Variants in COL4A3 observed in about 807,000 individuals in gnomAD.
COL4A3 encodes collagen type IV alpha 3 chain, also known as collagen alpha-3(IV) chain.
A neutral mutation model predicts 217.4 loss-of-function variants in COL4A3; 135 were observed. The observed-to-expected ratio is 0.62, with a 90% CI of 0.54 to 0.72. COL4A3 has a LOEUF of 0.72. Among genes scored for constraint, COL4A3 ranks in the 30% least tolerant of loss-of-function variants. COL4A3 has a pLI of 0.00. For synonymous variants in COL4A3, 690 were observed against 736.3 expected, an observed-to-expected ratio of 0.94 and a Z score of 1.02; for missense variants, 1,868 against 2,119.9, an observed-to-expected ratio of 0.88 and a Z score of 2.33.
chr2:227,169,093 A>C (rs1577014097), intron 1 of COL4A3: 1 of 122,250 alleles, frequency 8.2e-6, no homozygotes, highest in Non-Finnish European at 1.6e-5. Flanking sequence ...TCCTGTGTCC[A>C]TGTGTTCTCA....
At chr2:227,300,160 T>A (rs75044575) in intron 43 of COL4A3, among the ~76,000 whole-genome samples, 4,148 of 152,214 alleles carry the variant, frequency 0.027, 82 homozygotes, top group Middle Eastern at 0.048. Flanking sequence ...CCTCCAGAAG[T>A]AAGAAGTCAA....
In COL4A3 at chr2:227,313,423, A is replaced by G. The variant is rs1264081718; in HGVS notation, c.*1553A>G. On this transcript the variant is annotated 3_prime_UTR_variant, in exon 52 of 52. Coordinates refer to ENST00000396578, the MANE Select transcript of COL4A3 (RefSeq NM_000091.5). ...TCTGAATAATAGCAGAAAAACCAACATCTACAAAACATTAAACTAGTGTTA... is the reference window on the plus strand; with the variant it reads ...TCTGAATAATAGCAGAAAAACCAACGTCTACAAAACATTAAACTAGTGTTA... 2.0e-5 allele frequency: 3 copies of G among 152,632 alleles called. No homozygotes were observed. The highest frequency in any genetic ancestry group is 7.2e-5 in the African/African-American group (3 of 41,452). The allele number at this position is 152,632 out of a possible 1,614,324, so 9.5% of individuals were successfully genotyped here. A position where few individuals can be genotyped will look rare whatever the true frequency, so the allele number is the denominator to read the frequency against.
Position 227,282,244 on chromosome 2 carries a change from C to A in COL4A3, c.2489-121C>A, listed in dbSNP as rs1410367474. On this transcript the variant is annotated intron_variant, in intron 31 of 51. Coordinates refer to ENST00000396578, the MANE Select transcript of COL4A3 (RefSeq NM_000091.5). The surrounding 1 kb of genome is among the most constrained non-coding windows in gnomAD (Gnocchi z 4.4). Reference sequence around the variant, plus strand: ...CCGAAATCGCCCCACTGCAATCCAGCCTAGAAGACAGAGGGAGATTCCATC... The same window carrying A: ...CCGAAATCGCCCCACTGCAATCCAGACTAGAAGACAGAGGGAGATTCCATC... 1.2e-5 allele frequency: 5 copies of A among 412,982 alleles called. No homozygotes were observed. The highest frequency in any genetic ancestry group is 5.0e-5 in the Admixed American group (1 of 19,878). The allele number at this position is 412,982 out of a possible 1,614,324, so 25.6% of individuals were successfully genotyped here.
intron 1 of COL4A3, among the ~76,000 whole-genome samples, chr2:227,193,741 G>GAAGA (rs143735741): frequency 0.038 from 1,120 of 29,542 alleles, 68 homozygotes; most frequent in African/African-American, 0.097. Context: ...AGGAGGGAGG[G>GAAGA]AGGGAGGGAA....
chr2:227,254,694 T>A lies in COL4A3; in HGVS notation c.867T>A (p.Ala289=). The change falls in exon 15 of 52, where the codon GCT becomes GCA. Residue 289 remains alanine (A), a synonymous_variant. Coordinates refer to ENST00000396578, the MANE Select transcript of COL4A3 (RefSeq NM_000091.5). Reference sequence around the variant, plus strand: ...AATCATATGGATCTGAAAAGGGTGCTCCTGGAGACCCTGGCCTGCAGGTAA... The same window carrying A: ...AATCATATGGATCTGAAAAGGGTGCACCTGGAGACCCTGGCCTGCAGGTAA... ...PGESYGSEKG[A]PGDPGLQGKP... is the part of the protein sequence containing the mutation. 1.2e-6 allele frequency: 2 copies of A among 1,613,420 alleles called. No individual in the cohort carries two copies. Among genetic ancestry groups the A allele is most frequent in the South Asian group, 2.2e-5 (2 of 91,078 alleles).
intron 1 of COL4A3, among the ~76,000 whole-genome samples, chr2:227,209,462 C>A (rs947724841): frequency 6.6e-6 from 1 of 152,204 alleles, no homozygotes; most frequent in South Asian, 2.1e-4. Flanking sequence ...TCTCTGTTAA[C>A]GCAGTACTAG....
At chr2:227,226,946 A>T (rs1266023855) in intron 1 of COL4A3, among the ~76,000 whole-genome samples, 1 of 152,258 alleles carries the variant, frequency 6.6e-6, no homozygotes, top group Admixed American at 6.5e-5. Context: ...AACAAGAGAG[A>T]AAATAAATAT....
intron 43 of COL4A3, among the ~76,000 whole-genome samples, chr2:227,299,634 C>T (rs1412449931): frequency 1.3e-5 from 2 of 152,076 alleles, no homozygotes; most frequent in Non-Finnish European, 2.9e-5. Context: ...AAATTAATTG[C>T]CAGATCAGAT....
At chr2:227,256,684 T>C (rs2070200339) in intron 17 of COL4A3, 1 of 563,072 alleles carries the variant, frequency 1.8e-6, no homozygotes, top group Non-Finnish European at 3.3e-6. Flanking sequence ...AATCCTACAA[T>C]TGTAGGAAGT....
chr2:227,285,277 T>TAAAAAAAAAA lies in COL4A3; in HGVS notation c.2881+950_2881+959dup, dbSNP rs764697409. On this transcript the variant is annotated intron_variant, in intron 34 of 51. Transcript: ENST00000396578. The stretch of plus-strand genomic sequence containing the variant: ...AAACCTTCACATGTACTGCCAAACC[T>TAAAAAAAAAA]AAAAAAAAAAAAAAAAAAAAAAAAA... Among the ~76,000 whole-genome samples, 458 of 72,370 alleles carry TAAAAAAAAAA rather than the reference T, an allele frequency of 6.3e-3. 29 individuals carry two copies. Among genetic ancestry groups the TAAAAAAAAAA allele is most frequent in the African/African-American group, 9.3e-3 (165 of 17,698 alleles). The allele number at this position is 72,370 out of a possible 152,430, so 47.5% of individuals were successfully genotyped here.
intron 1 of COL4A3, among the ~76,000 whole-genome samples, chr2:227,220,446 G>T (rs947372779): frequency 4.6e-5 from 7 of 151,980 alleles, no homozygotes; most frequent in Non-Finnish European, 1.0e-4. Flanking sequence ...GCCTCCCAAA[G>T]TGCTGGGATT....
intron 41 of COL4A3, 132 bp from the exon 42 acceptor site, chr2:227,297,542 T>A: frequency 1.2e-6 from 1 of 800,372 alleles, no homozygotes; most frequent in Non-Finnish European, 2.0e-6. Flanking sequence ...TATTATAAAA[T>A]ATATATTTTA....
At chr2:227,289,354 C>A in intron 35 of COL4A3, 106 bp downstream of exon 35, 1 of 951,956 alleles carries the variant, frequency 1.1e-6, no homozygotes, top group Non-Finnish European at 1.6e-6. Flanking sequence ...CAATTCTGTT[C>A]TGATAGTGTT....
At chr2:227,294,912 T>A in intron 39 of COL4A3, 52 bp from the exon 40 acceptor site, 1 of 1,401,172 alleles carries the variant, frequency 7.1e-7, no homozygotes, top group African/African-American at 1.4e-5. Flanking sequence ...AAATAAATCC[T>A]CTTTTTGTAT....
intron 34 of COL4A3, among the ~76,000 whole-genome samples, chr2:227,284,720 C>T (rs375137891): frequency 1.3e-5 from 2 of 152,168 alleles, no homozygotes; most frequent in Admixed American, 6.5e-5. Context: ...ACCTCCATCT[C>T]AAATTCAACT....
intron 5 of COL4A3, 70 bp from the exon 6 acceptor site, chr2:227,245,884 C>T (rs2069305097): frequency 3.8e-6 from 4 of 1,048,408 alleles, no homozygotes. Flanking sequence ...TAAATCAGTG[C>T]ATCTTTTCCC....
At chr2:227,208,856 CAAAG>C (rs374557875) in intron 1 of COL4A3, among the ~76,000 whole-genome samples, 215 of 143,112 alleles carry the variant, frequency 1.5e-3, no homozygotes, top group African/African-American at 1.6e-3. Flanking sequence ...GAGCAAAAAA[CAAAG>C]AAAGAGGAGG....
chr2:227,234,623 C>T (rs1006202904), intron 1 of COL4A3, among the ~76,000 whole-genome samples: 2 of 152,176 alleles, frequency 1.3e-5, no homozygotes, highest in African/African-American at 4.8e-5. Flanking sequence ...ACTATGACTG[C>T]ACAATTCCTT....
chr2:227,257,405 C>T (rs1216424600), intron 17 of COL4A3, among the ~76,000 whole-genome samples, 198 bp from the exon 18 acceptor site: 2 of 152,186 alleles, frequency 1.3e-5, no homozygotes, highest in Non-Finnish European at 2.9e-5. Flanking sequence ...TTCTGTACAA[C>T]CTTGTAGATG....
Sources: allele counts gnomAD v4.1 joint callset (sites outside exome capture counted in the v4.1 genomes callset), GRCh38; gene constraint gnomAD v4.1.1; non-coding constraint Gnocchi (gnomAD v3.1); transcripts MANE v1.5; gene names NCBI Gene and HGNC (gene_info 2026-07-23, HGNC 2026-07-21).